Variants in APBB1IP observed in about 807,000 individuals in gnomAD.
The protein encoded by APBB1IP is amyloid beta A4 precursor protein-binding family B member 1-interacting protein.
APBB1IP carries 27 observed loss-of-function variants against 64.9 expected under a neutral mutation model. The observed-to-expected ratio is 0.42, with a 90% CI of 0.31 to 0.57. The LOEUF is 0.57. Among genes scored for constraint, APBB1IP ranks in the 20% least tolerant of loss-of-function variants. The probability of loss-of-function intolerance (pLI) is 0.20; values close to 1 mark genes in which losing one functional copy is unlikely to be tolerated. For synonymous variants in APBB1IP, 392 were observed against 331.0 expected, an observed-to-expected ratio of 1.18 and a Z score of -2.00; for missense variants, 812 against 845.5, an observed-to-expected ratio of 0.96 and a Z score of 0.49.
intron 2 of APBB1IP, among the ~76,000 whole-genome samples, chr10:26,471,916 C>T (rs1835721274): frequency 6.6e-6 from 1 of 152,152 alleles, no homozygotes; most frequent in African/African-American, 2.4e-5. Context: ...ATCTCCTGAC[C>T]TCATGATCCG....
intron 2 of APBB1IP, among the ~76,000 whole-genome samples, chr10:26,491,822 C>T (rs912833385): frequency 1.2e-4 from 16 of 133,812 alleles, no homozygotes; most frequent in South Asian, 2.3e-4. Context: ...AGTGCAGTGG[C>T]GCAATCTCGG....
chr10:26,454,180 C>G (rs1835495899), intron 2 of APBB1IP, among the ~76,000 whole-genome samples: 1 of 152,204 alleles, frequency 6.6e-6, no homozygotes, highest in African/African-American at 2.4e-5. Context: ...GTGGCTCACG[C>G]CTGTAATACC....
intron 6 of APBB1IP, among the ~76,000 whole-genome samples, chr10:26,504,656 G>A (rs1469716526): frequency 1.3e-5 from 2 of 151,542 alleles, no homozygotes; most frequent in African/African-American, 4.9e-5. Context: ...GTTGCCGTGA[G>A]CCAAGATTGC....
At chr10:26,445,109 GGAAAAGAAAGAAAGAAA>G (rs1308235961) in intron 2 of APBB1IP, among the ~76,000 whole-genome samples, 6 of 87,968 alleles carry the variant, frequency 6.8e-5, no homozygotes, top group East Asian at 3.5e-4. Flanking sequence ...AAAAAAAAGA[GGAAAAGAAAGAAAGAAA>G]GAAAAGAAAG....
chr10:26,542,150 T>C (rs922363731), intron 11 of APBB1IP, among the ~76,000 whole-genome samples: 4 of 152,082 alleles, frequency 2.6e-5, no homozygotes, highest in Admixed American at 6.5e-5. Context: ...TATTATCAAA[T>C]GTTAGATATG....
intron 11 of APBB1IP, among the ~76,000 whole-genome samples, chr10:26,543,670 A>G (rs1836726031): frequency 6.6e-6 from 1 of 151,990 alleles, no homozygotes; most frequent in African/African-American, 2.4e-5. Context: ...GGCAAAGAAC[A>G]AAAAAATATG....
chr10:26,514,162 G>A (rs1258750141), intron 8 of APBB1IP, among the ~76,000 whole-genome samples: 1 of 151,946 alleles, frequency 6.6e-6, no homozygotes. Context: ...ACAGTCCTTT[G>A]AAGGATTCAG....
chr10:26,465,999 G>C (rs59237400), intron 2 of APBB1IP, among the ~76,000 whole-genome samples: 6,086 of 152,284 alleles, frequency 0.04, 404 homozygotes, highest in African/African-American at 0.14. Flanking sequence ...AATTCCGACA[G>C]TCCACAGCAG....
At chr10:26,469,388 T>A (rs972135070) in intron 2 of APBB1IP, among the ~76,000 whole-genome samples, 3 of 150,222 alleles carry the variant, frequency 2.0e-5, no homozygotes, top group Non-Finnish European at 3.0e-5. Context: ...ACCTCCTGAA[T>A]AGTTGAGATG....
chr10:26,480,620 CTTTTTTTTTTTTTTTTTT>C (rs535190399), intron 2 of APBB1IP, among the ~76,000 whole-genome samples: 4 of 83,954 alleles, frequency 4.8e-5, no homozygotes, highest in African/African-American at 2.0e-4. Context: ...TGAGCTGCTT[CTTTTTTTTTTTTTTTTTT>C]TTTTTTTTGG....
rs181675868 is a variant in APBB1IP at position 26,529,195 on chromosome 10, A to C, written c.814-4244A>C. ...TTCGACTCAGGTTTACCCAGTTTCC[A>C]TTTGCAGGATATAATGACTAAACGT... On this transcript the variant is annotated intron_variant, in intron 8 of 14. Transcript: ENST00000376236. Among the ~76,000 whole-genome samples the C allele has an allele frequency of 1.4e-3, 219 of 152,296 alleles. 1 individual carries two copies. The highest frequency in any genetic ancestry group is 1.8e-3 in the Non-Finnish European group (120 of 68,026).
At position 26,566,947 on chromosome 10, in the gene APBB1IP, C is replaced by T. The variant is rs768897213; in HGVS notation, c.1474-14C>T. 2 of 1,562,008 alleles carry T rather than the reference C, an allele frequency of 1.3e-6. No homozygotes were observed. The highest frequency in any genetic ancestry group is 1.9e-5 in the Admixed American group (1 of 53,156). ...ATTAAAAAAAAAATGAATGCTACTGCCACTCGGTTGCAGGATAAGAAGCCA... is the reference window on the plus strand; with the variant it reads ...ATTAAAAAAAAAATGAATGCTACTGTCACTCGGTTGCAGGATAAGAAGCCA... On this transcript the variant is annotated splice_polypyrimidine_tract_variant and intron_variant, in intron 14 of 14. Coordinates refer to ENST00000376236, the MANE Select transcript of APBB1IP (RefSeq NM_019043.4).
At chr10:26,538,533 C>T (rs1836657310) in intron 10 of APBB1IP, among the ~76,000 whole-genome samples, 1 of 150,908 alleles carries the variant, frequency 6.6e-6, no homozygotes, top group African/African-American at 2.4e-5. Flanking sequence ...CCCAGCTACT[C>T]GGGAGGCTGA....
chr10:26,541,155 T>G (rs1328942229), intron 10 of APBB1IP, among the ~76,000 whole-genome samples: 2 of 152,190 alleles, frequency 1.3e-5, no homozygotes, highest in Non-Finnish European at 2.9e-5. Flanking sequence ...TTTTCATGGC[T>G]GCACTCTTTT....
intron 6 of APBB1IP, among the ~76,000 whole-genome samples, chr10:26,504,298 G>A (rs1305780091): frequency 6.6e-6 from 1 of 152,194 alleles, no homozygotes; most frequent in South Asian, 2.1e-4. Flanking sequence ...AAGCCTGTAA[G>A]TTGATCATGC....
At chr10:26,522,181 A>G (rs1275608907) in intron 8 of APBB1IP, among the ~76,000 whole-genome samples, 1 of 149,098 alleles carries the variant, frequency 6.7e-6, no homozygotes, top group Non-Finnish European at 1.5e-5. Flanking sequence ...CTTTTTAAGA[A>G]GCACATGAAT....
rs1017383098 is a variant in APBB1IP, at chr10:26,511,816, C to A, written c.601C>A (p.Arg201=). 1.2e-6 allele frequency: 2 copies of A among 1,613,976 alleles called. No homozygotes were observed. The highest frequency in any genetic ancestry group is 2.7e-5 in the African/African-American group (2 of 74,888). ...GATGGTGGATGAGCGGCAGCTGGCCCGAGATGTTCTGGACAACCTTTTCGA... is the reference window on the plus strand; with the variant it reads ...GATGGTGGATGAGCGGCAGCTGGCCAGAGATGTTCTGGACAACCTTTTCGA... ...SLMVDERQLA[R]DVLDNLFEKT... Residue 201 remains arginine (R), a synonymous_variant, in exon 7 of 15, where the codon CGA becomes AGA. Transcript: ENST00000376236.
At chr10:26,445,444 T>C (rs1220487807) in intron 2 of APBB1IP, among the ~76,000 whole-genome samples, 1 of 151,868 alleles carries the variant, frequency 6.6e-6, no homozygotes, top group African/African-American at 2.4e-5. Flanking sequence ...AGAGATAGGG[T>C]CTTGCTGTGT....
chr10:26,539,853 G>C (rs1341023555), intron 10 of APBB1IP, among the ~76,000 whole-genome samples: 1 of 152,166 alleles, frequency 6.6e-6, no homozygotes, highest in Non-Finnish European at 1.5e-5. Context: ...ATAACTAAAA[G>C]TTGCTCCGTC....
Sources: allele counts gnomAD v4.1 joint callset (sites outside exome capture counted in the v4.1 genomes callset), GRCh38; gene constraint gnomAD v4.1.1; transcripts MANE v1.5; gene names NCBI Gene and HGNC (gene_info 2026-07-23, HGNC 2026-07-21).